LRRC8A: variants seen among roughly 807,000 people sequenced by gnomAD.
LRRC8A encodes the protein volume-regulated anion channel subunit LRRC8A.
A neutral mutation model predicts 52.5 loss-of-function variants in LRRC8A; 24 were observed. The ratio of observed to expected loss-of-function variants is 0.46; its 90% confidence interval spans 0.33 to 0.64. LRRC8A has a LOEUF of 0.64. Among genes scored for constraint, LRRC8A ranks in the 30% least tolerant of loss-of-function variants. The probability of loss-of-function intolerance (pLI) is 0.02; values close to 1 mark genes in which losing one functional copy is unlikely to be tolerated. For missense variants in LRRC8A, 677 were observed against 1,094.7 expected (o/e 0.62, Z 5.38); for synonymous variants, 492 against 494.2 (o/e 1.00, Z 0.06).
At position 128,884,470 on chromosome 9, in the gene LRRC8A, C is replaced by T. The variant is rs1839310961; in HGVS notation, c.-115-1545C>T. On this transcript the variant is annotated intron_variant, in intron 1 of 3. Transcript: ENST00000372600. ...CTTGGGCCTGGGATGGCTGGGAAAA[C>T]ATCCCTGGCCTCCTGAGAGCTGCAG... Among the ~76,000 whole-genome samples the T allele has an allele frequency of 1.3e-5, 2 of 152,322 alleles. 1 individual carries two copies. Among genetic ancestry groups the T allele is most frequent in the African/African-American group, 4.8e-5 (2 of 41,570 alleles).
At chr9:128,883,058 T>G in intron 1 of LRRC8A, 1 of 328,858 alleles carries the variant, frequency 3.0e-6, no homozygotes. Flanking sequence ...TCTCAGCTGT[T>G]GCGATTGTTG....
intron 2 of LRRC8A, among the ~76,000 whole-genome samples, chr9:128,903,074 G>A (rs1840090379): frequency 6.6e-6 from 1 of 152,188 alleles, no homozygotes. Context: ...TGCTGGGTTT[G>A]TTCTTACTCT....
intron 3 of LRRC8A, among the ~76,000 whole-genome samples, chr9:128,910,374 C>T (rs759639687): frequency 6.6e-6 from 1 of 152,186 alleles, no homozygotes; most frequent in Non-Finnish European, 1.5e-5. Flanking sequence ...CTAGGGATGC[C>T]ACCAGGTTCA....
At chr9:128,883,258 G>A (rs564122619) in intron 1 of LRRC8A, among the ~76,000 whole-genome samples, 51 of 152,294 alleles carry the variant, frequency 3.3e-4, no homozygotes, top group African/African-American at 1.2e-3. Context: ...AAGGGAACTG[G>A]GGGAGCCCGA....
Position 128,916,662 on chromosome 9 carries a change from G to A in LRRC8A, c.*291G>A, listed in dbSNP as rs1840835515. 1 of 364,116 alleles carries A rather than the reference G, an allele frequency of 2.7e-6. No individual in the cohort carries two copies. Among genetic ancestry groups the A allele is most frequent in the Non-Finnish European group, 5.0e-6 (1 of 198,054 alleles). 22.6% of individuals were successfully genotyped at this position (364,116 alleles called of 1,614,324 possible). On this transcript the variant is annotated 3_prime_UTR_variant, in exon 4 of 4. Transcript: ENST00000372600. This position sits in a 1 kb window ranked among gnomAD's most constrained non-coding sequence, Gnocchi z 6.1. ...GGTCTCCTCCCTGGAGGCCAGCTCT[G>A]CCCCAGGGGCTGAGCTGCCACCAGA... is the stretch of plus-strand genomic sequence containing the variant.
At position 128,902,875 on chromosome 9, in the gene LRRC8A, T is replaced by A. The variant is rs1224796502; in HGVS notation, c.-8-4282T>A. Among the ~76,000 whole-genome samples the A allele has an allele frequency of 6.6e-6, 1 of 152,150 alleles. No individual in the cohort carries two copies. Among genetic ancestry groups the A allele is most frequent in the Non-Finnish European group, 1.5e-5 (1 of 68,002 alleles). Reference sequence around the variant, plus strand: ...GGAGGACTGACTTCTGGCCTGGAGCTGCCAGCCCAGGGCGGGCGGTGGTGT... The same window carrying A: ...GGAGGACTGACTTCTGGCCTGGAGCAGCCAGCCCAGGGCGGGCGGTGGTGT... On this transcript the variant is annotated intron_variant, in intron 2 of 3. Transcript: ENST00000372600. The surrounding 1 kb of genome is among the most constrained non-coding windows in gnomAD (Gnocchi z 4.1).
At chr9:128,897,810 C>A (rs1339712901) in intron 2 of LRRC8A, among the ~76,000 whole-genome samples, 1 of 152,042 alleles carries the variant, frequency 6.6e-6, no homozygotes, top group Admixed American at 6.6e-5. Flanking sequence ...TTCCAAAGTG[C>A]TGGGATTACA....
chr9:128,913,671 G>A lies in LRRC8A; in HGVS notation c.2158-2425G>A, dbSNP rs1252850306. 3.9e-5 allele frequency among the ~76,000 whole-genome samples: 6 copies of A among 152,276 alleles called. No homozygotes were observed. The South Asian group carries it at 1.0e-3, about 26-fold the overall frequency. ...CATATGGACCCGAGCTCTGCCACTC[G>A]CTGTCCAGAGCTTTCCCACTGTCCC... On this transcript the variant is annotated intron_variant, in intron 3 of 3. Transcript: ENST00000372600.
In LRRC8A at chr9:128,908,197, C is replaced by T. The variant is rs1228929702; in HGVS notation, c.1033C>T (p.Arg345Trp). 2 of 1,613,904 alleles carry T rather than the reference C, an allele frequency of 1.2e-6. No homozygotes were observed. Among genetic ancestry groups the T allele is most frequent in the African/African-American group, 1.3e-5 (1 of 74,906 alleles). Reference sequence around the variant, plus strand: ...CATGTATACACTGTGGTGGATGCTACGGCGCTCCCTCAAGAAGTACTCGTT... The same window carrying T: ...CATGTATACACTGTGGTGGATGCTATGGCGCTCCCTCAAGAAGTACTCGTT... ...ICMYTLWWML[R>W]RSLKKYSFES... The change falls in exon 3 of 4, where the codon CGG (arginine) becomes TGG (tryptophan). Residue 345 changes from arginine to tryptophan, a missense_variant. Physicochemically the swap from Arg to Trp is moderately radical, Grantham distance 101 (BLOSUM62 -3). Coordinates refer to ENST00000372600, the MANE Select transcript of LRRC8A (RefSeq NM_019594.4).
intron 1 of LRRC8A, 22 bp from the exon 2 acceptor site, chr9:128,885,993 G>A (rs192945069): frequency 6.6e-6 from 1 of 152,450 alleles, no homozygotes; most frequent in African/African-American, 2.4e-5. Flanking sequence ...GCCTGCTGAC[G>A]GCAGCTCTCG....
intron 2 of LRRC8A, among the ~76,000 whole-genome samples, chr9:128,900,091 C>G (rs924022242): frequency 1.3e-5 from 2 of 152,188 alleles, no homozygotes; most frequent in Non-Finnish European, 2.9e-5. Flanking sequence ...CTGGGCCCCT[C>G]CCTGTGGGGA....
In LRRC8A at chr9:128,908,896, G is replaced by A; in HGVS notation, c.1732G>A (p.Gly578Ser). The A allele has an allele frequency of 6.2e-7, 1 of 1,613,810 alleles. No individual in the cohort carries two copies. The highest frequency in any genetic ancestry group is 8.5e-7 in the Non-Finnish European group (1 of 1,180,006). The change falls in exon 3 of 4, where the codon GGC becomes AGC. Residue 578 changes from glycine to serine, a missense_variant. By Grantham distance (56) the Gly-to-Ser change is moderately conservative (BLOSUM62 0). Transcript: ENST00000372600. ...GCAGAAGCTGTCCATCAACAATGAG[G>A]GCACCAAGCTCATCGTCCTCAACAG... The part of the protein sequence containing the change: ...HLQKLSINNE[G>S]TKLIVLNSLK...
At chr9:128,915,373 C>T (rs1195730966) in intron 3 of LRRC8A, among the ~76,000 whole-genome samples, 1 of 152,220 alleles carries the variant, frequency 6.6e-6, no homozygotes, top group African/African-American at 2.4e-5. Context: ...GTCACCCAGG[C>T]TGGAGTGCAG....
At position 128,899,326 on chromosome 9, in the gene LRRC8A, C is replaced by G. The variant is rs1839940385; in HGVS notation, c.-8-7831C>G. Among the ~76,000 whole-genome samples the G allele has an allele frequency of 6.6e-6, 1 of 151,992 alleles. No individual in the cohort carries two copies. Among genetic ancestry groups the G allele is most frequent in the Non-Finnish European group, 1.5e-5 (1 of 68,000 alleles). On this transcript the variant is annotated intron_variant, in intron 2 of 3. Transcript: ENST00000372600. This position sits in a 1 kb window ranked among gnomAD's most constrained non-coding sequence, Gnocchi z 4.0. ...GCCCAGCCACCCCCACCCCACGCCT[C>G]AAAGGCTCCCTTCCCTTCCGGGGCA...
chr9:128,890,841 C>T (rs1309604163), intron 2 of LRRC8A, among the ~76,000 whole-genome samples: 1 of 152,202 alleles, frequency 6.6e-6, no homozygotes, highest in African/African-American at 2.4e-5. Flanking sequence ...GCCGTGACTC[C>T]ATGTGCAAAT....
chr9:128,896,436 TGAGGA>T (rs1401937761), intron 2 of LRRC8A, among the ~76,000 whole-genome samples: 1 of 152,202 alleles, frequency 6.6e-6, no homozygotes, highest in Non-Finnish European at 1.5e-5. Flanking sequence ...GCATAAATAA[TGAGGA>T]GAGGAGTTGC....
rs1173553479 is a variant in LRRC8A at position 128,917,973 on chromosome 9, A to G, written c.*1602A>G. ...TAGCCTCTGACAACCATGAAGCAAA[A>G]ATCCGTTACATGTGGGTCTGAACTT... On this transcript the variant is annotated 3_prime_UTR_variant, in exon 4 of 4. Coordinates refer to ENST00000372600, the MANE Select transcript of LRRC8A (RefSeq NM_019594.4). 2 of 152,664 alleles carry G rather than the reference A, an allele frequency of 1.3e-5. No homozygotes were observed. The highest frequency in any genetic ancestry group is 4.8e-5 in the African/African-American group (2 of 41,462). 9.5% of individuals were successfully genotyped at this position (152,664 alleles called of 1,614,324 possible).
Position 128,907,049 on chromosome 9 carries a change from T to C in LRRC8A, c.-8-108T>C, listed in dbSNP as rs181706050. The stretch of plus-strand genomic sequence containing the variant: ...CTTTGGCTCCCAGCTAGATTTGAGG[T>C]GGAATTTTGGACAATGGAAGAATTT... On this transcript the variant is annotated intron_variant, in intron 2 of 3. Transcript: ENST00000372600. The surrounding 1 kb of genome is among the most constrained non-coding windows in gnomAD (Gnocchi z 9.3). 6 of 952,000 alleles carry C rather than the reference T, an allele frequency of 6.3e-6. No homozygotes were observed. Among genetic ancestry groups the C allele is most frequent in the East Asian group, 4.8e-5 (2 of 41,350 alleles). 59.0% of individuals were successfully genotyped at this position (952,000 alleles called of 1,614,324 possible). A position where few individuals can be genotyped will look rare whatever the true frequency, so the allele number is the denominator to read the frequency against.
Position 128,908,793 on chromosome 9 carries a change from C to T in LRRC8A, c.1629C>T (p.Leu543=), listed in dbSNP as rs770469694. 17 of 1,613,444 alleles carry T rather than the reference C, an allele frequency of 1.1e-5. No homozygotes were observed. Among genetic ancestry groups the T allele is most frequent in the Non-Finnish European group, 1.4e-5 (16 of 1,180,026 alleles). The change falls in exon 3 of 4, where the codon CTC becomes CTT. Residue 543 remains leucine, a synonymous_variant. Transcript: ENST00000372600. ...TCGTCATCGACGGGCTGCGGGAGCT[C>T]AAACGCCTCAAGGTGCTGCGGCTCA... ...RYIVIDGLRE[L]KRLKVLRLKS...
Sources: allele counts gnomAD v4.1 joint callset (sites outside exome capture counted in the v4.1 genomes callset), GRCh38; gene constraint gnomAD v4.1.1; non-coding constraint Gnocchi (gnomAD v3.1); transcripts MANE v1.5; gene names NCBI Gene and HGNC (gene_info 2026-07-23, HGNC 2026-07-21).